CELA2B: variants seen among roughly 807,000 people sequenced by gnomAD.
CELA2B encodes chymotrypsin like elastase 2B, also known as chymotrypsin-like elastase family member 2B.
A neutral mutation model predicts 36.5 loss-of-function variants in CELA2B; 27 were observed. The ratio of observed to expected loss-of-function variants is 0.74; its 90% CI spans 0.55 to 1.02. The LOEUF is 1.02. CELA2B is among the 50% of genes least tolerant of loss of function. The pLI is 0.00. For missense variants in CELA2B, 340 were observed against 347.8 expected (o/e 0.98, Z 0.18); for synonymous variants, 143 against 148.5 (o/e 0.96, Z 0.27).
At chr1:15,476,589 C>T in intron 2 of CELA2B, 44 bp downstream of exon 2, 1 of 1,559,318 alleles carries the variant, frequency 6.4e-7, no homozygotes, top group African/African-American at 1.4e-5. Flanking sequence ...TGCCCCACTC[C>T]CTTTACATCC....
chr1:15,482,141 G>A (rs1557524757), intron 3 of CELA2B, 124 bp from the exon 4 acceptor site: 31 of 1,155,920 alleles, frequency 2.7e-5, no homozygotes, highest in Non-Finnish European at 3.6e-5. Context: ...TGTCCCAGGG[G>A]AGGAAAGATC....
intron 2 of CELA2B, 121 bp downstream of exon 2, chr1:15,476,666 C>A (rs1708675561): frequency 2.1e-6 from 2 of 944,382 alleles, no homozygotes; most frequent in Admixed American, 2.0e-5. Context: ...ATTCAGAGAG[C>A]AGCACAGGAA....
At chr1:15,485,790 C>T (rs1708796264) in intron 5 of CELA2B, 111 bp from the exon 6 acceptor site, 1 of 1,325,434 alleles carries the variant, frequency 7.5e-7, no homozygotes, top group Non-Finnish European at 1.1e-6. Flanking sequence ...TGGCTGTTCC[C>T]ATGTTGCAAT....
Position 15,487,309 on chromosome 1 carries a change from T to C in CELA2B, c.664T>C (p.Cys222Arg). The C allele has an allele frequency of 1.9e-6, 3 of 1,614,210 alleles. No individual in the cohort carries two copies. Among genetic ancestry groups the C allele is most frequent in the Non-Finnish European group, 2.5e-6 (3 of 1,180,032 alleles). The stretch of plus-strand genomic sequence containing the variant: ...GGGAGACTCCGGTGGGCCGCTGAAC[T>C]GTCAGGCATCTGACGGCCGGTGGGA... ...CNGDSGGPLNCQASDGRWEVH... is the reference protein window; with the variant it reads ...CNGDSGGPLNRQASDGRWEVH... Residue 222 changes from cysteine (C) to arginine (R), a missense_variant, in exon 7 of 8, where the codon TGT (cysteine) becomes CGT (arginine). Physicochemically the swap from Cys to Arg is radical, Grantham distance 180 (BLOSUM62 -3). Transcript: ENST00000375910.
rs778683649 is a variant in CELA2B at position 15,483,269 on chromosome 1, A to T, written c.362A>T (p.Asp121Val). The part of the protein sequence containing the change: ...WNSDQVSKGN[D>V]IALLKLANPV... ...CCGCCTCCGCACTCACCCAGGAACG[A>T]CATTGCCCTGCTCAAACTGGCTAAC... Residue 121 changes from aspartate to valine, a missense_variant, in exon 5 of 8, where the codon GAC (aspartate) becomes GTC (valine). Physicochemically the swap from Asp to Val is radical, Grantham distance 152. Transcript: ENST00000375910. 2.5e-6 allele frequency: 4 copies of T among 1,613,730 alleles called. No homozygotes were observed. Among genetic ancestry groups the T allele is most frequent in the Non-Finnish European group, 2.5e-6 (3 of 1,179,872 alleles).
intron 7 of CELA2B, among the ~76,000 whole-genome samples, chr1:15,487,958 C>CA (rs1262837600): frequency 4.4e-5 from 6 of 135,116 alleles, no homozygotes; most frequent in African/African-American, 1.5e-4. Flanking sequence ...CCATCCCAGG[C>CA]AAATAAAGCT....
intron 2 of CELA2B, among the ~76,000 whole-genome samples, chr1:15,477,342 C>T (rs1392176821): frequency 6.6e-6 from 1 of 152,156 alleles, no homozygotes; most frequent in African/African-American, 2.4e-5. Flanking sequence ...GCACAAATTA[C>T]TAAGACGTGT....
chr1:15,483,863 A>C (rs1270972032), intron 5 of CELA2B, among the ~76,000 whole-genome samples: 1 of 151,656 alleles, frequency 6.6e-6, no homozygotes, highest in East Asian at 1.9e-4. Flanking sequence ...TAGGAGGCGG[A>C]GGTTGCAGTG....
intron 5 of CELA2B, among the ~76,000 whole-genome samples, chr1:15,484,281 G>A (rs2103313997): frequency 6.6e-6 from 1 of 152,196 alleles, no homozygotes; most frequent in Non-Finnish European, 1.5e-5. Context: ...GACTCCAAGG[G>A]TCAGAGATCC....
intron 2 of CELA2B, among the ~76,000 whole-genome samples, chr1:15,480,822 C>T (rs1360628304): frequency 1.3e-5 from 2 of 152,052 alleles, no homozygotes; most frequent in Non-Finnish European, 2.9e-5. Flanking sequence ...TCTCAAACTC[C>T]TGGGCTCAAC....
chr1:15,477,359 T>C (rs928653310), intron 2 of CELA2B, among the ~76,000 whole-genome samples: 1 of 152,180 alleles, frequency 6.6e-6, no homozygotes, highest in Admixed American at 6.5e-5. Context: ...GTGTTAACGG[T>C]GGGAATTTCA....
At chr1:15,482,179 GCAGC>G (rs1456303650) in intron 3 of CELA2B, 82 bp from the exon 4 acceptor site, 3 of 1,520,674 alleles carry the variant, frequency 2.0e-6, no homozygotes, top group Non-Finnish European at 2.7e-6. Context: ...GGCTCATGAA[GCAGC>G]CAGTTACTTG....
At chr1:15,482,499 A>G (rs780413983) in intron 4 of CELA2B, 106 bp downstream of exon 4, 435 of 1,487,248 alleles carry the variant, frequency 2.9e-4, no homozygotes, top group Non-Finnish European at 3.9e-4. Flanking sequence ...TGCTTTTTCT[A>G]TAGGGAAGAG....
In CELA2B at chr1:15,487,411, T is replaced by TC; in HGVS notation, c.768dup (p.Asn257GlnfsTer13). ...CAAGCCCTCCATCTTCACGCGGGTCTCCAACTACAACGACTGGATCAATTC... is the reference window on the plus strand; with the variant it reads ...CAAGCCCTCCATCTTCACGCGGGTCTCCCAACTACAACGACTGGATCAATTC... On this transcript the variant is annotated frameshift_variant, in exon 7 of 8. Coordinates refer to ENST00000375910, the MANE Select transcript of CELA2B (RefSeq NM_015849.3). LOFTEE classifies it high-confidence loss of function. The TC allele has an allele frequency of 6.2e-7, 1 of 1,614,238 alleles. No individual in the cohort carries two copies. The highest frequency in any genetic ancestry group is 8.5e-7 in the Non-Finnish European group (1 of 1,180,040).
At chr1:15,486,719 G>A (rs1256623075) in intron 6 of CELA2B, among the ~76,000 whole-genome samples, 1 of 152,212 alleles carries the variant, frequency 6.6e-6, no homozygotes, top group Non-Finnish European at 1.5e-5. Context: ...ATGGCGCAGT[G>A]TGTCCCCTCC....
chr1:15,485,992 C>A lies in CELA2B; in HGVS notation c.585C>A (p.Thr195=). The change falls in exon 6 of 8, where the codon ACC becomes ACA. Residue 195 remains threonine (T), a synonymous_variant. Transcript: ENST00000375910. ...TCSSSGWWGS[T]VKTNMICAGG... ...CCAGCTCTGGCTGGTGGGGCAGCAC[C>A]GTGAAGACGAATATGATCTGTGCTG... The A allele has an allele frequency of 6.2e-7, 1 of 1,614,148 alleles. No homozygotes were observed. Among genetic ancestry groups the A allele is most frequent in the East Asian group, 2.2e-5 (1 of 44,886 alleles).
At position 15,485,973 on chromosome 1, in the gene CELA2B, C is replaced by T. The variant is rs898396980; in HGVS notation, c.566C>T (p.Ser189Phe). ...GTGGACTATGCCACCTGCTCCAGCTCTGGCTGGTGGGGCAGCACCGTGAAG... is the reference window on the plus strand; with the variant it reads ...GTGGACTATGCCACCTGCTCCAGCTTTGGCTGGTGGGGCAGCACCGTGAAG... ...LVVDYATCSS[S>F]GWWGSTVKTN... is the part of the protein sequence containing the mutation. Residue 189 changes from serine (S) to phenylalanine (F), a missense_variant, in exon 6 of 8, where the codon TCT (serine) becomes TTT (phenylalanine). Physicochemically the swap from Ser to Phe is radical, Grantham distance 155. Coordinates refer to ENST00000375910, the MANE Select transcript of CELA2B (RefSeq NM_015849.3). 3.7e-6 allele frequency: 6 copies of T among 1,614,078 alleles called. No homozygotes were observed. Among genetic ancestry groups the T allele is most frequent in the Admixed American group, 3.3e-5 (2 of 59,998 alleles).
Position 15,478,230 on chromosome 1 carries a change from T to TATATATATATATATA in CELA2B, c.129+1685_129+1686insATATATATATATATA, listed in dbSNP as rs1557523207. ...TATATATATATATTGGGATATATAG[T>TATATATATATATATA]TTGTTTGTTTGTTTGTTTTTGTTTT... On this transcript the variant is annotated intron_variant, in intron 2 of 7. Transcript: ENST00000375910. 1.3e-4 allele frequency among the ~76,000 whole-genome samples: 19 copies of TATATATATATATATA among 147,648 alleles called. 1 individual carries two copies. The East Asian group carries it at 3.4e-3, about 26-fold the overall frequency.
At chr1:15,479,703 G>A (rs1025497551) in intron 2 of CELA2B, among the ~76,000 whole-genome samples, 28 of 152,202 alleles carry the variant, frequency 1.8e-4, no homozygotes, top group African/African-American at 6.5e-4. Context: ...GTGCACGCAT[G>A]TGTGTGTGCA....
Sources: allele counts gnomAD v4.1 joint callset (sites outside exome capture counted in the v4.1 genomes callset), GRCh38; gene constraint gnomAD v4.1.1; transcripts MANE v1.5; gene names NCBI Gene and HGNC (gene_info 2026-07-23, HGNC 2026-07-21).